EMC1: variants seen among roughly 807,000 people sequenced by gnomAD.
The protein encoded by EMC1 is ER membrane protein complex subunit 1, also known as KIAA0090.
A neutral mutation model predicts 128.8 loss-of-function variants in EMC1; 103 were observed. The observed-to-expected ratio is 0.80, with a 90% CI of 0.68 to 0.94. The LOEUF (loss-of-function observed/expected upper bound fraction) is 0.94. Ranked by LOEUF, EMC1 falls within the 40% of genes least tolerant of loss-of-function variation. EMC1 has a pLI of 0.00. For synonymous variants in EMC1, 442 were observed against 490.4 expected (o/e 0.90, Z 1.30); for missense variants, 1,083 against 1,250.6 (o/e 0.87, Z 2.02).
chr1:19,239,339 C>A, intron 8 of EMC1, 37 bp from the exon 9 acceptor site: 1 of 1,568,978 alleles, frequency 6.4e-7, no homozygotes, highest in Non-Finnish European at 8.8e-7. Flanking sequence ...CTAAATGGGA[C>A]CAGTACTAGC....
chr1:19,219,236 G>GACCCA lies in EMC1; in HGVS notation c.*66_*67insTGGGT. The GACCCA allele has an allele frequency of 6.6e-7, 1 of 1,519,850 alleles. No homozygotes were observed. Among genetic ancestry groups the GACCCA allele is most frequent in the South Asian group, 1.1e-5 (1 of 87,822 alleles). The allele number at this position is 1,519,850 out of a possible 1,614,324, so 94.1% of individuals were successfully genotyped here. A position where few individuals can be genotyped will look rare whatever the true frequency, so the allele number is the denominator to read the frequency against. ...ACATACTCCACCAATCCACCAAACTGCAGCTGTAGCTGCTTATCTGACCCA... is the reference window on the plus strand; with the variant it reads ...ACATACTCCACCAATCCACCAAACTGACCCACAGCTGTAGCTGCTTATCTGACCCA... On this transcript the variant is annotated 3_prime_UTR_variant, in exon 23 of 23. Transcript: ENST00000477853.
Position 19,241,096 on chromosome 1 carries a change from C to T in EMC1, c.556G>A (p.Val186Met). 1 of 1,614,200 alleles carries T rather than the reference C, an allele frequency of 6.2e-7. No individual in the cohort carries two copies. Among genetic ancestry groups the T allele is most frequent in the Non-Finnish European group, 8.5e-7 (1 of 1,180,034 alleles). Residue 186 changes from valine to methionine, a missense_variant, in exon 6 of 23, where the codon GTG (valine) becomes ATG (methionine). By Grantham distance (21) the Val-to-Met change is conservative. This residue lies in a region of EMC1 where 544 missense variants were observed against 572.4 expected (regional missense o/e 0.95). Coordinates refer to ENST00000477853, the MANE Select transcript of EMC1 (RefSeq NM_015047.3). The part of the protein sequence containing the change: ...QMVYSYGSGV[V>M]WALGVVPFSH... ...AAGGGAACAACTCCGAGGGCCCACA[C>T]CACCCCAGAGCCGTAAGAATACACC...
At chr1:19,235,106 A>C (rs1008511728) in intron 13 of EMC1, 24 bp downstream of exon 13, 14 of 1,610,506 alleles carry the variant, frequency 8.7e-6, no homozygotes, top group African/African-American at 1.3e-5. Context: ...GCAACTCTGC[A>C]GCTCCAACCT....
chr1:19,240,208 G>T, intron 7 of EMC1, 89 bp downstream of exon 7: 2 of 1,530,002 alleles, frequency 1.3e-6, no homozygotes, highest in Non-Finnish European at 1.8e-6. Flanking sequence ...GAAGAGTCTA[G>T]GAGAAAGACC....
chr1:19,245,438 T>C (rs2093627460), intron 1 of EMC1, among the ~76,000 whole-genome samples: 1 of 151,692 alleles, frequency 6.6e-6, no homozygotes, highest in African/African-American at 2.4e-5. Flanking sequence ...CAAAACTCCA[T>C]CTCAAAAAAA....
intron 1 of EMC1, among the ~76,000 whole-genome samples, chr1:19,247,998 T>C (rs765122872): frequency 6.7e-5 from 10 of 150,364 alleles, no homozygotes; most frequent in Admixed American, 1.3e-4. Flanking sequence ...CACTCCAGGC[T>C]GAGCGACAGA....
chr1:19,244,946 C>T lies in EMC1; in HGVS notation c.180G>A (p.Lys60=). The part of the protein sequence containing the change: ...GSKKLVVATE[K]NVIAALNSRT... ...GGGAATTTAATGCTGCAATCACATTCTTCTCTGTGGCTACAACCAACTTCT... is the reference window on the plus strand; with the variant it reads ...GGGAATTTAATGCTGCAATCACATTTTTCTCTGTGGCTACAACCAACTTCT... The change falls in exon 2 of 23, where the codon AAG becomes AAA. Residue 60 remains lysine, a synonymous_variant. Coordinates refer to ENST00000477853, the MANE Select transcript of EMC1 (RefSeq NM_015047.3). 6.2e-7 allele frequency: 1 copy of T among 1,613,956 alleles called. No individual in the cohort carries two copies. The highest frequency in any genetic ancestry group is 8.5e-7 in the Non-Finnish European group (1 of 1,179,880).
chr1:19,242,996 G>C (rs1160704957), intron 4 of EMC1, among the ~76,000 whole-genome samples: 3 of 152,214 alleles, frequency 2.0e-5, no homozygotes, highest in Non-Finnish European at 2.9e-5. Flanking sequence ...CCAACACTTT[G>C]AGAGGCTGAG....
rs191187165 is a variant in EMC1 at position 19,230,692 on chromosome 1, T to C, written c.2064+152A>G. On this transcript the variant is annotated intron_variant, in intron 17 of 22. Transcript: ENST00000477853. Reference sequence around the variant, plus strand: ...TGCCATGTAGTAGCTGCCCAACAAATATGAACAAATGATTGACTTTGTATC... The same window carrying C: ...TGCCATGTAGTAGCTGCCCAACAAACATGAACAAATGATTGACTTTGTATC... The C allele has an allele frequency of 9.1e-4, 991 of 1,090,784 alleles. 5 individuals are homozygous for C. The African/African-American group carries it at 0.013, about 15-fold the overall frequency. 67.6% of individuals were successfully genotyped at this position (1,090,784 alleles called of 1,614,324 possible). A position where few individuals can be genotyped will look rare whatever the true frequency, so the allele number is the denominator to read the frequency against.
Position 19,238,038 on chromosome 1 carries a change from C to G in EMC1, c.1191G>C (p.Gln397His), listed in dbSNP as rs777706748. Reference protein sequence around the residue: ...LDTTITFSLEQSGTRPERLYI... With the variant: ...LDTTITFSLEHSGTRPERLYI... ...TTACCCGCTCAGGCCGAGTGCCGCTCTGTTCCAGGCTAAATGTTATCGTGG... is the reference window on the plus strand; with the variant it reads ...TTACCCGCTCAGGCCGAGTGCCGCTGTGTTCCAGGCTAAATGTTATCGTGG... Residue 397 changes from glutamine (Q) to histidine (H), a missense_variant, in exon 11 of 23, where the codon CAG (glutamine) becomes CAC (histidine). Coordinates refer to ENST00000477853, the MANE Select transcript of EMC1 (RefSeq NM_015047.3). 2 of 1,613,994 alleles carry G rather than the reference C, an allele frequency of 1.2e-6. No individual in the cohort carries two copies. Among genetic ancestry groups the G allele is most frequent in the Non-Finnish European group, 1.7e-6 (2 of 1,179,956 alleles).
chr1:19,249,288 GAAC>G (rs778217436), intron 1 of EMC1, among the ~76,000 whole-genome samples: 2 of 152,038 alleles, frequency 1.3e-5, no homozygotes, highest in Non-Finnish European at 2.9e-5. Context: ...ACTAACCCCA[GAAC>G]AACTCCTAGT....
At chr1:19,243,481 G>A in intron 4 of EMC1, 133 bp downstream of exon 4, 1 of 759,224 alleles carries the variant, frequency 1.3e-6, no homozygotes, top group South Asian at 1.5e-5. Flanking sequence ...TCCACAATGG[G>A]TACTCAATGT....
rs2093405193 is a variant in EMC1 at position 19,217,898 on chromosome 1, T to C, written c.*1405A>G. 6.6e-6 allele frequency: 1 copy of C among 152,198 alleles called. No homozygotes were observed. Among genetic ancestry groups the C allele is most frequent in the South Asian group, 2.1e-4 (1 of 4,828 alleles). The allele number at this position is 152,198 out of a possible 1,614,324, so 9.4% of individuals were successfully genotyped here. A position where few individuals can be genotyped will look rare whatever the true frequency, so the allele number is the denominator to read the frequency against. On this transcript the variant is annotated 3_prime_UTR_variant, in exon 23 of 23. Transcript: ENST00000477853. Reference sequence around the variant, plus strand: ...ATTTCCTCTTCCTTCTCTGCCATAATCTACCATCAGCATATGACCATAGAA... The same window carrying C: ...ATTTCCTCTTCCTTCTCTGCCATAACCTACCATCAGCATATGACCATAGAA...
At chr1:19,242,631 C>T (rs2093613106) in intron 4 of EMC1, among the ~76,000 whole-genome samples, 158 bp from the exon 5 acceptor site, 1 of 152,186 alleles carries the variant, frequency 6.6e-6, no homozygotes, top group Admixed American at 6.5e-5. Context: ...TCTTGTTAGT[C>T]AACTTGAGAT....
chr1:19,238,160 T>C lies in EMC1; in HGVS notation c.1090-21A>G, dbSNP rs1021964131. 1.9e-6 allele frequency: 3 copies of C among 1,611,702 alleles called. No homozygotes were observed. In the African/African-American group the frequency reaches 4.0e-5, roughly 22 times the overall value. ...GAGTCCTAGGAGTACAGACAGCACG[T>C]GTCAACTACAGGTATCCCCCGAAAG... On this transcript the variant is annotated intron_variant, in intron 10 of 22. Coordinates refer to ENST00000477853, the MANE Select transcript of EMC1 (RefSeq NM_015047.3).
chr1:19,231,509 A>T, intron 15 of EMC1, 87 bp from the exon 16 acceptor site: 3 of 1,369,778 alleles, frequency 2.2e-6, no homozygotes, highest in Non-Finnish European at 3.0e-6. Context: ...CTCCAGCTCA[A>T]CAACTGTGGG....
intron 20 of EMC1, 67 bp from the exon 21 acceptor site, chr1:19,220,915 A>C: frequency 1.1e-5 from 13 of 1,133,078 alleles, no homozygotes; most frequent in Non-Finnish European, 1.6e-5. Flanking sequence ...CAAAAATGTC[A>C]TTATTGCAGA....
At position 19,243,981 on chromosome 1, in the gene EMC1, C is replaced by T. The variant is rs112654534; in HGVS notation, c.255G>A (p.Gly85=). Residue 85 remains glycine, a synonymous_variant, in exon 3 of 23, where the codon GGG becomes GGA. Coordinates refer to ENST00000477853, the MANE Select transcript of EMC1 (RefSeq NM_015047.3). ...WRHVDKGTAE[G]AVDAMLLHGQ... Reference sequence around the variant, plus strand: ...CGTGCAGCAGCATGGCATCCACAGCCCCTTCTGCCGTGCCCTTGTCAACAT... The same window carrying T: ...CGTGCAGCAGCATGGCATCCACAGCTCCTTCTGCCGTGCCCTTGTCAACAT... 146 of 1,614,092 alleles carry T rather than the reference C, an allele frequency of 9.0e-5. 1 individual carries two copies. In the African/African-American group the frequency reaches 1.5e-3, roughly 17 times the overall value.
chr1:19,234,285 C>A, intron 13 of EMC1: 4 of 492,718 alleles, frequency 8.1e-6, no homozygotes, highest in Non-Finnish European at 1.1e-5. Context: ...CAGAGCAGGC[C>A]CTCAACAGCT....
Sources: allele counts gnomAD v4.1 joint callset (sites outside exome capture counted in the v4.1 genomes callset), GRCh38; gene constraint gnomAD v4.1.1; regional missense constraint gnomAD v4.1.1; transcripts MANE v1.5; gene names NCBI Gene and HGNC (gene_info 2026-07-23, HGNC 2026-07-21).